NEMP2: variants seen among roughly 807,000 people sequenced by gnomAD.
NEMP2 encodes the protein nuclear envelope integral membrane protein 2.
Under a neutral mutation model 54.2 loss-of-function variants are expected in NEMP2, and 53 were observed. The observed-to-expected ratio is 0.98, with a 90% CI of 0.78 to 1.23. The LOEUF (loss-of-function observed/expected upper bound fraction) is 1.23. Among genes scored for constraint, NEMP2 ranks in the 50% most tolerant of loss-of-function variants. NEMP2 has a pLI of 0.00. For missense variants in NEMP2, 455 were observed against 511.3 expected, an observed-to-expected ratio of 0.89 and a Z score of 1.06; for synonymous variants, 197 against 190.3, an observed-to-expected ratio of 1.04 and a Z score of -0.29.
the NEMP2 span, among the ~76,000 whole-genome samples, chr2:190,459,478 G>C: frequency 2.0e-5 from 3 of 152,088 alleles, no homozygotes; most frequent in Non-Finnish European, 4.4e-5. This position sits in a 1 kb window ranked among gnomAD's most constrained non-coding sequence, Gnocchi z 5.3. Flanking sequence ...ATTGTAGGGG[G>C]TGTGTGTGTG....
At chr2:190,495,474 C>T in the NEMP2 span, among the ~76,000 whole-genome samples, 3 of 152,068 alleles carry the variant, frequency 2.0e-5, no homozygotes, top group Non-Finnish European at 4.4e-5. The surrounding 1 kb of genome is among the most constrained non-coding windows in gnomAD (Gnocchi z 4.7). Context: ...CACCATCATT[C>T]TTCACAGAAC....
At chr2:190,549,236 A>G in the NEMP2 span, among the ~76,000 whole-genome samples, 2 of 152,216 alleles carry the variant, frequency 1.3e-5, no homozygotes, top group Non-Finnish European at 1.5e-5. Flanking sequence ...CAGTGAGGCT[A>G]TAGGTTTTGT....
In NEMP2 at chr2:190,528,174, T is replaced by C. The variant is rs894576603; in HGVS notation, c.98-2796A>G. Among the ~76,000 whole-genome samples, 2 of 152,146 alleles carry C rather than the reference T, an allele frequency of 1.3e-5. No individual in the cohort carries two copies. The highest frequency in any genetic ancestry group is 6.5e-5 in the Admixed American group (1 of 15,274). On this transcript the variant is annotated intron_variant, in intron 1 of 8. Transcript: ENST00000409150. This position sits in a 1 kb window ranked among gnomAD's most constrained non-coding sequence, Gnocchi z 4.3. ...AAATGACTTCTGGCCAAGGGCAGCA[T>C]AGGGGGAAGTGCAGTCCCAGGGATA...
chr2:190,518,844 ATTT>A (rs1311438460), intron 3 of NEMP2, 36 bp from the exon 4 acceptor site: 1 of 1,524,824 alleles, frequency 6.6e-7, no homozygotes, highest in Non-Finnish European at 8.8e-7. Flanking sequence ...CATAACAAAG[ATTT>A]TTTATCAATG....
At chr2:190,483,618 C>T in the NEMP2 span, among the ~76,000 whole-genome samples, 7 of 151,996 alleles carry the variant, frequency 4.6e-5, no homozygotes, top group Non-Finnish European at 8.8e-5. Context: ...AGGCAGATCA[C>T]GAGGTCAAGA....
the NEMP2 span, among the ~76,000 whole-genome samples, chr2:190,621,961 G>C: frequency 2.6e-5 from 4 of 152,124 alleles, no homozygotes; most frequent in Non-Finnish European, 5.9e-5. Flanking sequence ...ATAAAAATTA[G>C]CTGGGCAGGG....
the NEMP2 span, among the ~76,000 whole-genome samples, chr2:190,575,184 G>C: frequency 2.0e-4 from 31 of 152,062 alleles, no homozygotes; most frequent in African/African-American, 7.5e-4. Flanking sequence ...GGAGCTCCCA[G>C]AATGCCAGTT....
At chr2:190,535,747 TA>T (rs2125365019), upstream of NEMP2, 1 of 152,360 alleles carries the variant, frequency 6.6e-6, no homozygotes, top group African/African-American at 2.4e-5. Flanking sequence ...GTATGGCTTT[TA>T]AAAAGTTAAG....
At chr2:190,422,504 T>C in the NEMP2 span, among the ~76,000 whole-genome samples, 1 of 152,342 alleles carries the variant, frequency 6.6e-6, no homozygotes, top group African/African-American at 2.4e-5. Flanking sequence ...AATGTCTTTA[T>C]TTCACCCATA....
intron 5 of NEMP2, 56 bp downstream of exon 5, chr2:190,517,464 C>T: frequency 1.6e-6 from 2 of 1,234,692 alleles, no homozygotes; most frequent in Non-Finnish European, 2.3e-6. Context: ...ATTAATTTTT[C>T]ATGTCTGTAA....
chr2:190,618,225 T>G, the NEMP2 span, among the ~76,000 whole-genome samples: 2 of 152,222 alleles, frequency 1.3e-5, no homozygotes, highest in African/African-American at 2.4e-5. Flanking sequence ...TTGTTTAGTG[T>G]AGACCGAGTT....
the NEMP2 span, among the ~76,000 whole-genome samples, chr2:190,482,918 T>C: frequency 2.4e-5 from 3 of 124,414 alleles, no homozygotes; most frequent in Non-Finnish European, 3.3e-5. Context: ...GGAGTCTCAC[T>C]CTGTCGCCCA....
the NEMP2 span, among the ~76,000 whole-genome samples, chr2:190,590,222 C>A: frequency 6.6e-6 from 1 of 152,168 alleles, no homozygotes; most frequent in African/African-American, 2.4e-5. The surrounding 1 kb of genome is among the most constrained non-coding windows in gnomAD (Gnocchi z 5.1). Flanking sequence ...CTTTTGATTC[C>A]CTCTCACGAC....
chr2:190,648,192 G>T, the NEMP2 span: 1 of 152,314 alleles, frequency 6.6e-6, no homozygotes, highest in Non-Finnish European at 1.5e-5. Context: ...AGATTTTCAG[G>T]AGGTTAAAAA....
chr2:190,532,634 CATTG>C (rs1469039180), intron 1 of NEMP2, among the ~76,000 whole-genome samples: 3 of 152,306 alleles, frequency 2.0e-5, no homozygotes, highest in Admixed American at 6.5e-5. Flanking sequence ...TTCTCCATTC[CATTG>C]AAGTGTGTGT....
chr2:190,558,671 A>G, the NEMP2 span, among the ~76,000 whole-genome samples: 1 of 152,226 alleles, frequency 6.6e-6, no homozygotes, highest in African/African-American at 2.4e-5. This position sits in a 1 kb window ranked among gnomAD's most constrained non-coding sequence, Gnocchi z 4.4. Context: ...GAGTGAAGAG[A>G]AGTAGGCTGC....
the NEMP2 span, among the ~76,000 whole-genome samples, chr2:190,424,743 G>A: frequency 9.1e-4 from 139 of 152,210 alleles, no homozygotes; most frequent in African/African-American, 3.3e-3. This position sits in a 1 kb window ranked among gnomAD's most constrained non-coding sequence, Gnocchi z 5.9. Flanking sequence ...AAACAGTTGG[G>A]CATATTTGGG....
chr2:190,495,463 C>T, the NEMP2 span, among the ~76,000 whole-genome samples: 1 of 152,100 alleles, frequency 6.6e-6, no homozygotes, highest in Admixed American at 6.5e-5. This position sits in a 1 kb window ranked among gnomAD's most constrained non-coding sequence, Gnocchi z 4.7. Context: ...CCATCAAATA[C>T]CACCATCATT....
At chr2:190,446,469 T>A in the NEMP2 span, among the ~76,000 whole-genome samples, 2 of 152,126 alleles carry the variant, frequency 1.3e-5, no homozygotes, top group African/African-American at 4.8e-5. Context: ...AAAACCCAAC[T>A]GAAAAGTAGT....
Sources: allele counts gnomAD v4.1 joint callset (sites outside exome capture counted in the v4.1 genomes callset), GRCh38; gene constraint gnomAD v4.1.1; non-coding constraint Gnocchi (gnomAD v3.1); transcripts MANE v1.5; gene names NCBI Gene and HGNC (gene_info 2026-07-23, HGNC 2026-07-21).